SMOX: variants seen among roughly 807,000 people sequenced by gnomAD.
SMOX encodes the protein flavin containing amine oxidase.
A neutral mutation model predicts 51.0 loss-of-function variants in SMOX; 22 were observed. The observed-to-expected ratio is 0.43, with a 90% CI of 0.31 to 0.62. The LOEUF (loss-of-function observed/expected upper bound fraction) is 0.62, where lower values mean the gene tolerates loss of function less well. SMOX is among the 20% of genes least tolerant of loss of function. The pLI is 0.10. For missense variants in SMOX, 566 were observed against 777.7 expected (o/e 0.73, Z 3.24); for synonymous variants, 282 against 307.8 (o/e 0.92, Z 0.88).
rs758552152 is a variant in SMOX, at chr20:4,183,530, G to A, written c.1406G>A (p.Arg469His). 5 of 1,614,186 alleles carry A rather than the reference G, an allele frequency of 3.1e-6. No homozygotes were observed. The highest frequency in any genetic ancestry group is 1.1e-5 in the South Asian group (1 of 91,084). ...ATTCCAAAACCTCGGCGAATCTTGC[G>A]CTCGGCCTGGGGCAGCAACCCTTAC... The part of the protein sequence containing the change: ...PNIPKPRRIL[R>H]SAWGSNPYFR... The change falls in exon 6 of 7, where the codon CGC (arginine) becomes CAC (histidine). Residue 469 changes from arginine to histidine, a missense_variant. Arg to His is a conservative substitution (Grantham distance 29). Coordinates refer to ENST00000305958, the MANE Select transcript of SMOX (RefSeq NM_175839.3). This position sits in a 1 kb window ranked among gnomAD's most constrained non-coding sequence, Gnocchi z 4.3.
chr20:4,163,514 T>G (rs1043465646), intron 1 of SMOX, among the ~76,000 whole-genome samples: 2 of 152,206 alleles, frequency 1.3e-5, no homozygotes, highest in Non-Finnish European at 2.9e-5. Context: ...TACCTATTGT[T>G]GGCTAACCAA....
intron 6 of SMOX, among the ~76,000 whole-genome samples, chr20:4,186,059 T>C (rs556501487): frequency 6.6e-6 from 1 of 152,224 alleles, no homozygotes; most frequent in South Asian, 2.1e-4. Context: ...CCCAGCACTA[T>C]GGGAGGCCGA....
At position 4,182,529 on chromosome 20, in the gene SMOX, C is replaced by T. The variant is rs764539035; in HGVS notation, c.1050C>T (p.Pro350=). The T allele has an allele frequency of 8.7e-6, 14 of 1,612,872 alleles. No individual in the cohort carries two copies. Among genetic ancestry groups the T allele is most frequent in the East Asian group, 2.2e-5 (1 of 44,848 alleles). The change falls in exon 5 of 7, where the codon CCC becomes CCT. Residue 350 remains proline, a synonymous_variant. Coordinates refer to ENST00000305958, the MANE Select transcript of SMOX (RefSeq NM_175839.3). The surrounding 1 kb of genome is among the most constrained non-coding windows in gnomAD (Gnocchi z 8.4). ...CCAGTTTCTTCCGGCCAGGCCTGCC[C>T]ACAGAGAAGGTGGCTGCCATCCACC... ...QYTSFFRPGL[P]TEKVAAIHRL... is the part of the protein sequence containing the mutation.
chr20:4,164,751 G>C (rs1437326601), intron 1 of SMOX, among the ~76,000 whole-genome samples: 1 of 152,162 alleles, frequency 6.6e-6, no homozygotes, highest in Non-Finnish European at 1.5e-5. Flanking sequence ...TTTCGGCTGT[G>C]TCAGGAGACT....
intron 1 of SMOX, among the ~76,000 whole-genome samples, chr20:4,154,840 C>T (rs1322959020): frequency 3.0e-5 from 4 of 132,464 alleles, no homozygotes; most frequent in Admixed American, 8.0e-5. Flanking sequence ...GTGTAGGGAG[C>T]TGCCGGGGTA....
At chr20:4,175,324 C>T (rs573599003) in intron 2 of SMOX, 61 bp downstream of exon 2, 50 of 1,531,960 alleles carry the variant, frequency 3.3e-5, no homozygotes, top group Middle Eastern at 1.7e-4. Flanking sequence ...TCCTAATTCC[C>T]GGCTCTGCCT....
chr20:4,184,161 CTTTT>C (rs11418906), intron 6 of SMOX, among the ~76,000 whole-genome samples: 1 of 137,788 alleles, frequency 7.3e-6, no homozygotes. Flanking sequence ...AATTTTTGTA[CTTTT>C]TTTTTTTTTT....
Position 4,187,365 on chromosome 20 carries a change from C to T in SMOX, c.1626C>T (p.Arg542=), listed in dbSNP as rs767176328. ...ALLSGQREAA[R]LIEMYRDLFQ... ...TGTCCGGCCAGCGTGAGGCTGCCCG[C>T]CTCATTGAGATGTACCGAGACCTCT... Residue 542 remains arginine (R), a synonymous_variant, in exon 7 of 7, where the codon CGC becomes CGT. Coordinates refer to ENST00000305958, the MANE Select transcript of SMOX (RefSeq NM_175839.3). This position sits in a 1 kb window ranked among gnomAD's most constrained non-coding sequence, Gnocchi z 4.8. 2 of 1,614,070 alleles carry T rather than the reference C, an allele frequency of 1.2e-6. No homozygotes were observed. The highest frequency in any genetic ancestry group is 1.1e-5 in the South Asian group (1 of 91,084).
At chr20:4,171,282 A>G (rs574472281) in intron 1 of SMOX, among the ~76,000 whole-genome samples, 1 of 152,338 alleles carries the variant, frequency 6.6e-6, no homozygotes, top group African/African-American at 2.4e-5. Flanking sequence ...ACATTAAAAC[A>G]AAACAAAACA....
chr20:4,158,971 A>G (rs1383593867), intron 1 of SMOX, among the ~76,000 whole-genome samples: 1 of 152,114 alleles, frequency 6.6e-6, no homozygotes, highest in South Asian at 2.1e-4. Flanking sequence ...ATGCCTTTAA[A>G]TGTTAAACAC....
At chr20:4,168,626 G>C (rs1481491022) in intron 1 of SMOX, among the ~76,000 whole-genome samples, 7 of 150,204 alleles carry the variant, frequency 4.7e-5, no homozygotes, top group Admixed American at 4.7e-4. Flanking sequence ...GCGCGATCTC[G>C]ACTCACTGCA....
chr20:4,175,182 C>T lies in SMOX; in HGVS notation c.127C>T (p.Leu43Phe), dbSNP rs763986370. Reference sequence around the variant, plus strand: ...GGCTGGCCTGGCTGCAGCCAAAGCACTTCTTGAGCAGGGTTTCACGGATGT... The same window carrying T: ...GGCTGGCCTGGCTGCAGCCAAAGCATTTCTTGAGCAGGGTTTCACGGATGT... ...GLAGLAAAKA[L>F]LEQGFTDVTV... is the part of the protein sequence containing the mutation. Residue 43 changes from leucine (L) to phenylalanine (F), a missense_variant, in exon 2 of 7, where the codon CTT becomes TTT. Leu to Phe is a conservative substitution (Grantham distance 22). This residue lies in a region of SMOX where 217 missense variants were observed against 278.4 expected (regional missense o/e 0.78). Transcript: ENST00000305958. 2 of 1,614,198 alleles carry T rather than the reference C, an allele frequency of 1.2e-6. No individual in the cohort carries two copies. The highest frequency in any genetic ancestry group is 1.7e-5 in the Admixed American group (1 of 60,018).
rs549521414 is a variant in SMOX, at chr20:4,167,407, G to T, written c.-26-7623G>T. On this transcript the variant is annotated intron_variant, in intron 1 of 6. Transcript: ENST00000305958. The surrounding 1 kb of genome is among the most constrained non-coding windows in gnomAD (Gnocchi z 4.8). ...CGCCCTCTCCGAGATGACCTTTGCA[G>T]TGGCCACACCTTTTACCTGTGCTAA... is the stretch of plus-strand genomic sequence containing the variant. Among the ~76,000 whole-genome samples the T allele has an allele frequency of 1.3e-5, 2 of 152,196 alleles. No homozygotes were observed. Among genetic ancestry groups the T allele is most frequent in the Non-Finnish European group, 2.9e-5 (2 of 68,030 alleles).
At chr20:4,173,684 T>C (rs1321032220) in intron 1 of SMOX, among the ~76,000 whole-genome samples, 1 of 152,232 alleles carries the variant, frequency 6.6e-6, no homozygotes, top group Non-Finnish European at 1.5e-5. Flanking sequence ...GCAGCCACCT[T>C]CCGCCCACAT....
Position 4,182,967 on chromosome 20 carries a change from C to T in SMOX, c.1369+119C>T, listed in dbSNP as rs1254266331. On this transcript the variant is annotated intron_variant, in intron 5 of 6. Transcript: ENST00000305958. The surrounding 1 kb of genome is among the most constrained non-coding windows in gnomAD (Gnocchi z 8.4). ...ACCGTGAAGCTCGGATGCTGTGCCC[C>T]ACGGGAGAGCCACTGCAGGGTGCCA... The T allele has an allele frequency of 7.2e-7, 1 of 1,383,978 alleles. No homozygotes were observed. The highest frequency in any genetic ancestry group is 9.6e-7 in the Non-Finnish European group (1 of 1,042,574). The allele number at this position is 1,383,978 out of a possible 1,614,324, so 85.7% of individuals were successfully genotyped here.
intron 1 of SMOX, among the ~76,000 whole-genome samples, chr20:4,168,558 CTCTT>C (rs1986673895): frequency 6.6e-6 from 1 of 150,756 alleles, no homozygotes; most frequent in Admixed American, 6.6e-5. Flanking sequence ...CTCTCTCTCT[CTCTT>C]TTTTTTTTTT....
chr20:4,165,281 C>G (rs1986522485), intron 1 of SMOX, among the ~76,000 whole-genome samples: 1 of 152,092 alleles, frequency 6.6e-6, no homozygotes, highest in African/African-American at 2.4e-5. Context: ...GTCTCGAACT[C>G]CTGACCTCAT....
chr20:4,187,591 C>T lies in SMOX; in HGVS notation c.*184C>T. On this transcript the variant is annotated 3_prime_UTR_variant, in exon 7 of 7. Transcript: ENST00000305958. This position sits in a 1 kb window ranked among gnomAD's most constrained non-coding sequence, Gnocchi z 4.8. ...CTTTTTCTCCAGGCTGGGCCGTGAG[C>T]AGGTGGGCCGTTGAGTTACCTCTGT... The T allele has an allele frequency of 1.2e-6, 1 of 836,282 alleles. No individual in the cohort carries two copies. The highest frequency in any genetic ancestry group is 2.8e-5 in the East Asian group (1 of 36,052). 51.8% of individuals were successfully genotyped at this position (836,282 alleles called of 1,614,324 possible). A position where few individuals can be genotyped will look rare whatever the true frequency, so the allele number is the denominator to read the frequency against.
At chr20:4,162,162 G>A (rs13040038) in intron 1 of SMOX, among the ~76,000 whole-genome samples, 48,603 of 152,026 alleles carry the variant, frequency 0.32, 9,349 homozygotes, top group Non-Finnish European at 0.43. Context: ...GCGCAGGGCG[G>A]CCCGGGTGGG....
Sources: allele counts gnomAD v4.1 joint callset (sites outside exome capture counted in the v4.1 genomes callset), GRCh38; gene constraint gnomAD v4.1.1; regional missense constraint gnomAD v4.1.1; non-coding constraint Gnocchi (gnomAD v3.1); transcripts MANE v1.5; gene names NCBI Gene and HGNC (gene_info 2026-07-23, HGNC 2026-07-21).